RPS6KA6: variants seen among roughly 807,000 people sequenced by gnomAD.
The protein encoded by RPS6KA6 is ribosomal protein S6 kinase alpha-6.
In RPS6KA6, 27 loss-of-function variants were observed where a neutral mutation model predicts 65.4. That is an observed-to-expected ratio of 0.41 (90% CI 0.30 to 0.57). The LOEUF (loss-of-function observed/expected upper bound fraction) is 0.57. Ranked by LOEUF, RPS6KA6 falls within the 20% of genes least tolerant of loss-of-function variation. The pLI, the probability that RPS6KA6 is intolerant of heterozygous loss-of-function variation, is 0.24. For missense variants in RPS6KA6, 486 were observed against 555.6 expected, an observed-to-expected ratio of 0.87 and a Z score of 1.26; for synonymous variants, 190 against 184.2, an observed-to-expected ratio of 1.03 and a Z score of -0.26.
intron 3 of RPS6KA6, among the ~76,000 whole-genome samples, chrX:84,153,786 CAAGT>C (rs2035368927): frequency 9.0e-6 from 1 of 110,872 alleles, no homozygotes. Context: ...CACTGACAAG[CAAGT>C]ATGTTCATAT....
rs756300959 is a variant in RPS6KA6 at position 84,072,105 on chromosome X, A to G, written c.1972-6994T>C. On this transcript the variant is annotated intron_variant, in intron 20 of 21. Coordinates refer to ENST00000262752, the MANE Select transcript of RPS6KA6 (RefSeq NM_014496.5). ...AATAACCCAACTGTTCTAACCAGAC[A>G]AGAACACAACAACAAAAACTATAGG... Among the ~76,000 whole-genome samples the G allele has an allele frequency of 2.7e-5, 3 of 111,995 alleles. No individual in the cohort carries two copies. The East Asian group carries it at 8.4e-4, about 31-fold the overall frequency.
In RPS6KA6 at chrX:84,164,371, A is replaced by G; in HGVS notation, c.98T>C (p.Met33Thr). The change falls in exon 2 of 22, where the codon ATG becomes ACG. Residue 33 changes from methionine to threonine, a missense_variant. Physicochemically the swap from Met to Thr is moderately conservative, Grantham distance 81. This residue lies in a region of RPS6KA6 where 106 missense variants were observed against 105.0 expected (regional missense o/e 1.01). Coordinates refer to ENST00000262752, the MANE Select transcript of RPS6KA6 (RefSeq NM_014496.5). ...ASSGEVNGLKMVDEPMEEGEA... is the reference protein window; with the variant it reads ...ASSGEVNGLKTVDEPMEEGEA... ...TCCCTCTTCCATTGGCTCATCAACCATTTTAAGACCATTTACCTGAAAAAC... is the reference window on the plus strand; with the variant it reads ...TCCCTCTTCCATTGGCTCATCAACCGTTTTAAGACCATTTACCTGAAAAAC... 8.4e-7 allele frequency: 1 copy of G among 1,193,713 alleles called. No homozygotes were observed. Among genetic ancestry groups the G allele is most frequent in the Non-Finnish European group, 1.1e-6 (1 of 881,104 alleles).
chrX:84,077,237 A>G (rs1329743709), intron 20 of RPS6KA6, among the ~76,000 whole-genome samples: 7 of 111,509 alleles, frequency 6.3e-5, no homozygotes, highest in African/African-American at 2.3e-4. Context: ...ATAGAAATTG[A>G]GAAGCTGATT....
intron 1 of RPS6KA6, among the ~76,000 whole-genome samples, chrX:84,174,477 C>T (rs2035732744): frequency 9.0e-6 from 1 of 111,402 alleles, no homozygotes; most frequent in African/African-American, 3.3e-5. Context: ...CAAGAGTATA[C>T]AGCCTCCAAG....
intron 20 of RPS6KA6, among the ~76,000 whole-genome samples, chrX:84,092,177 A>G (rs185732883): frequency 1.8e-5 from 2 of 111,409 alleles, no homozygotes; most frequent in African/African-American, 3.3e-5. Context: ...CATCCTGCAC[A>G]TGTTTCCCAG....
intron 1 of RPS6KA6, among the ~76,000 whole-genome samples, chrX:84,167,878 A>C (rs1251127935): frequency 9.0e-6 from 1 of 110,848 alleles, no homozygotes; most frequent in Non-Finnish European, 1.9e-5. Flanking sequence ...TACATTTTTT[A>C]ATCTCAGAAC....
At position 84,108,275 on chromosome X, in the gene RPS6KA6, T is replaced by C. The variant is rs146830377; in HGVS notation, c.1009-550A>G. On this transcript the variant is annotated intron_variant, in intron 12 of 21. Transcript: ENST00000262752. Reference sequence around the variant, plus strand: ...TTTTAAAAAGCTTACAGTCCCACAGTGGGGAAAAATAAATAGGGAATTACT... The same window carrying C: ...TTTTAAAAAGCTTACAGTCCCACAGCGGGGAAAAATAAATAGGGAATTACT... Among the ~76,000 whole-genome samples, 4 of 111,683 alleles carry C rather than the reference T, an allele frequency of 3.6e-5. No individual in the cohort carries two copies. In the East Asian group the frequency reaches 1.1e-3, roughly 31 times the overall value.
At chrX:84,081,633 T>G (rs1376849065) in intron 20 of RPS6KA6, among the ~76,000 whole-genome samples, 1 of 111,561 alleles carries the variant, frequency 9.0e-6, no homozygotes, top group Non-Finnish European at 1.9e-5. Context: ...AGTATCATCC[T>G]GAGAGCAAAC....
chrX:84,146,557 A>C (rs780715941), intron 5 of RPS6KA6, among the ~76,000 whole-genome samples: 1 of 111,863 alleles, frequency 8.9e-6, no homozygotes, highest in East Asian at 2.8e-4. Flanking sequence ...TAAGTATAAA[A>C]AAATAACTCA....
intron 2 of RPS6KA6, among the ~76,000 whole-genome samples, chrX:84,156,737 A>G (rs1162274047): frequency 8.9e-6 from 1 of 111,833 alleles, no homozygotes; most frequent in African/African-American, 3.2e-5. Flanking sequence ...AATTTTATAC[A>G]TAAATTATAT....
intron 10 of RPS6KA6, 113 bp from the exon 11 acceptor site, chrX:84,117,261 G>T: frequency 1.5e-6 from 1 of 647,176 alleles, no homozygotes; most frequent in Non-Finnish European, 2.3e-6. Context: ...CCTGTATATG[G>T]TAGAAGGGAA....
chrX:84,097,972 C>T (rs2034189418), intron 18 of RPS6KA6, 124 bp from the exon 19 acceptor site: 2 of 487,768 alleles, frequency 4.1e-6, no homozygotes. Context: ...TCATTTTATG[C>T]ACTTGTAGTA....
chrX:84,131,752 T>C (rs1284809152), intron 8 of RPS6KA6, among the ~76,000 whole-genome samples: 1 of 112,246 alleles, frequency 8.9e-6, no homozygotes, highest in Non-Finnish European at 1.9e-5. Context: ...CCATATGTTA[T>C]ACAGTGGTTT....
At chrX:84,076,345 A>G (rs1415952651) in intron 20 of RPS6KA6, among the ~76,000 whole-genome samples, 1 of 111,702 alleles carries the variant, frequency 9.0e-6, no homozygotes, top group Non-Finnish European at 1.9e-5. Flanking sequence ...AAATCAGACA[A>G]AGATACTTAC....
chrX:84,180,728 A>T (rs1323856507), intron 1 of RPS6KA6, among the ~76,000 whole-genome samples: 2 of 112,186 alleles, frequency 1.8e-5, no homozygotes, highest in Non-Finnish European at 3.8e-5. Context: ...ATAGACAGGC[A>T]TGGCTATTGA....
intron 20 of RPS6KA6, among the ~76,000 whole-genome samples, chrX:84,089,241 G>C (rs2033993169): frequency 8.9e-6 from 1 of 112,031 alleles, no homozygotes; most frequent in Non-Finnish European, 1.9e-5. Flanking sequence ...GGAGCTGGCA[G>C]GTTAGAATGA....
intron 20 of RPS6KA6, among the ~76,000 whole-genome samples, chrX:84,074,986 G>A (rs1318859263): frequency 8.9e-6 from 1 of 111,955 alleles, no homozygotes; most frequent in African/African-American, 3.2e-5. Context: ...TGTAATCGCA[G>A]CACTTTGGGA....
intron 20 of RPS6KA6, among the ~76,000 whole-genome samples, chrX:84,066,251 C>T (rs1177068134): frequency 9.5e-6 from 1 of 105,155 alleles, no homozygotes; most frequent in Non-Finnish European, 1.9e-5. Flanking sequence ...GGAATCCCAG[C>T]GAGACAGAAC....
intron 15 of RPS6KA6, 69 bp downstream of exon 15, chrX:84,106,296 T>C: frequency 1.0e-6 from 1 of 979,496 alleles, no homozygotes; most frequent in East Asian, 3.3e-5. Context: ...CTGAAAATGT[T>C]TGTCAGTTGA....
Sources: allele counts gnomAD v4.1 joint callset (sites outside exome capture counted in the v4.1 genomes callset), GRCh38; gene constraint gnomAD v4.1.1; regional missense constraint gnomAD v4.1.1; transcripts MANE v1.5; gene names NCBI Gene and HGNC (gene_info 2026-07-23, HGNC 2026-07-21).